EIF5A2: variants seen among roughly 807,000 people sequenced by gnomAD.
The protein encoded by EIF5A2 is eukaryotic translation initiation factor 5A2.
In EIF5A2, 15 loss-of-function variants were observed where a neutral mutation model predicts 16.4. The ratio of observed to expected loss-of-function variants is 0.92; its 90% confidence interval spans 0.61 to 1.41. The LOEUF is 1.41. EIF5A2 is among the 40% of genes most tolerant of loss of function. The pLI is 0.00. For synonymous variants in EIF5A2, 48 were observed against 61.1 expected, an observed-to-expected ratio of 0.79 and a Z score of 1.00; for missense variants, 144 against 189.5, an observed-to-expected ratio of 0.76 and a Z score of 1.41.
chr3:170,893,384 A>G lies in EIF5A2; in HGVS notation c.438T>C (p.Ala146=), dbSNP rs750387736. ...SVMCAMSEEY[A]VAIKPCK Reference sequence around the variant, plus strand: ...TTTATTTGCAGGGTTTTATGGCTACAGCATATTCTTCACTCATTGCACACA... The same window carrying G: ...TTTATTTGCAGGGTTTTATGGCTACGGCATATTCTTCACTCATTGCACACA... The change falls in exon 5 of 5, where the codon GCT becomes GCC. Residue 146 remains alanine (A), a synonymous_variant. Transcript: ENST00000295822. The G allele has an allele frequency of 6.2e-7, 1 of 1,614,016 alleles. No homozygotes were observed. The highest frequency in any genetic ancestry group is 8.5e-7 in the Non-Finnish European group (1 of 1,179,978).
In EIF5A2 at chr3:170,893,217, A is replaced by T. The variant is rs1712578462; in HGVS notation, c.*143T>A. 4 of 695,352 alleles carry T rather than the reference A, an allele frequency of 5.8e-6. No individual in the cohort carries two copies. The Middle Eastern group carries it at 1.2e-3, about 213-fold the overall frequency. The allele number at this position is 695,352 out of a possible 1,614,324, so 43.1% of individuals were successfully genotyped here. A position where few individuals can be genotyped will look rare whatever the true frequency, so the allele number is the denominator to read the frequency against. On this transcript the variant is annotated 3_prime_UTR_variant, in exon 5 of 5. Transcript: ENST00000295822. ...TTTTTAAAAATTATCAATTGCTTGCAAAACTAACCCAGCACAATCTGAAAA... is the reference window on the plus strand; with the variant it reads ...TTTTTAAAAATTATCAATTGCTTGCTAAACTAACCCAGCACAATCTGAAAA...
chr3:170,894,184 T>G, intron 4 of EIF5A2, 108 bp downstream of exon 4: 1 of 1,224,028 alleles, frequency 8.2e-7, no homozygotes, highest in Non-Finnish European at 1.1e-6. Context: ...TTCAACATTT[T>G]AGCAGTATTT....
Position 170,890,877 on chromosome 3 carries a change from T to C in EIF5A2, c.*2483A>G, listed in dbSNP as rs1251424650. 2 of 152,632 alleles carry C rather than the reference T, an allele frequency of 1.3e-5. No homozygotes were observed. The highest frequency in any genetic ancestry group is 2.9e-5 in the Non-Finnish European group (2 of 67,998). 9.5% of individuals were successfully genotyped at this position (152,632 alleles called of 1,614,324 possible). ...CCCCGCTTCCTTTTAATATAATTTATAAAGCTTTACTAAATATTTTGTTCT... is the reference window on the plus strand; with the variant it reads ...CCCCGCTTCCTTTTAATATAATTTACAAAGCTTTACTAAATATTTTGTTCT... On this transcript the variant is annotated 3_prime_UTR_variant, in exon 5 of 5. Transcript: ENST00000295822.
In EIF5A2 at chr3:170,893,876, T is replaced by C. The variant is rs532190864; in HGVS notation, c.402+416A>G. Reference sequence around the variant, plus strand: ...GCTGAAACCCAATCTTTACTAAAAATACAAAAATTAGCCAGATGTGGTGGC... The same window carrying C: ...GCTGAAACCCAATCTTTACTAAAAACACAAAAATTAGCCAGATGTGGTGGC... On this transcript the variant is annotated intron_variant, in intron 4 of 4. Transcript: ENST00000295822. Among the ~76,000 whole-genome samples the C allele has an allele frequency of 2.6e-5, 4 of 152,036 alleles. No individual in the cohort carries two copies. In the East Asian group the frequency reaches 7.7e-4, roughly 29 times the overall value.
chr3:170,899,494 G>A (rs138175440), intron 3 of EIF5A2, among the ~76,000 whole-genome samples: 1 of 152,050 alleles, frequency 6.6e-6, no homozygotes, highest in Non-Finnish European at 1.5e-5. Flanking sequence ...GGGGTTCACT[G>A]TTTTATAGAA....
chr3:170,896,486 G>A (rs142124632), intron 3 of EIF5A2, among the ~76,000 whole-genome samples: 111 of 152,322 alleles, frequency 7.3e-4, no homozygotes, highest in Non-Finnish European at 1.3e-3. Flanking sequence ...TCTCCGCAAT[G>A]CTGTTGTCAT....
At chr3:170,896,467 T>TG (rs1712673722) in intron 3 of EIF5A2, among the ~76,000 whole-genome samples, 1 of 152,172 alleles carries the variant, frequency 6.6e-6, no homozygotes, top group Non-Finnish European at 1.5e-5. Context: ...AATTGGATCA[T>TG]GGGGTCAGTC....
At chr3:170,898,940 T>C (rs1712738656) in intron 3 of EIF5A2, among the ~76,000 whole-genome samples, 1 of 152,062 alleles carries the variant, frequency 6.6e-6, no homozygotes, top group Non-Finnish European at 1.5e-5. Context: ...GCAACAGCCA[T>C]GACTTTTCAG....
rs369607297 is a variant in EIF5A2, at chr3:170,902,549, GC to G, written c.270+4439del. 6.0e-4 allele frequency among the ~76,000 whole-genome samples: 89 copies of G among 149,442 alleles called. 2 individuals are homozygous for G. The East Asian group carries it at 0.011, about 19-fold the overall frequency. ...CTCCCAAGTAGCTGGGGTTACAGGT[GC>G]CTGCCACCACACCCGGCTAATTTTT... is the stretch of plus-strand genomic sequence containing the variant. On this transcript the variant is annotated intron_variant, in intron 3 of 4. Transcript: ENST00000295822.
chr3:170,890,916 TTGACTTA>T lies in EIF5A2; in HGVS notation c.*2437_*2443del, dbSNP rs1712518618. The T allele has an allele frequency of 6.6e-6, 1 of 152,628 alleles. No homozygotes were observed. The highest frequency in any genetic ancestry group is 1.5e-5 in the Non-Finnish European group (1 of 67,994). The allele number at this position is 152,628 out of a possible 1,614,324, so 9.5% of individuals were successfully genotyped here. A position where few individuals can be genotyped will look rare whatever the true frequency, so the allele number is the denominator to read the frequency against. On this transcript the variant is annotated 3_prime_UTR_variant, in exon 5 of 5. Transcript: ENST00000295822. ...ATATTTTGTTCTAGAGAAACATCTA[TTGACTTA>T]TGTGAAAATAAAGTCCCATATCTTT...
chr3:170,900,361 C>A, intron 3 of EIF5A2, among the ~76,000 whole-genome samples: 2 of 115,778 alleles, frequency 1.7e-5, no homozygotes, highest in East Asian at 2.7e-4. Context: ...AGCACGACTC[C>A]ATCTCAAAAA....
chr3:170,908,452 G>A (rs1713001751), intron 1 of EIF5A2, 91 bp downstream of exon 1: 1 of 153,130 alleles, frequency 6.5e-6, no homozygotes, highest in Non-Finnish European at 1.5e-5. Context: ...CTCTCGGTCA[G>A]CGCTCAGTTC....
At chr3:170,895,286 TCAA>T (rs367788235) in intron 3 of EIF5A2, among the ~76,000 whole-genome samples, 2 of 150,982 alleles carry the variant, frequency 1.3e-5, no homozygotes, top group Non-Finnish European at 1.5e-5. Context: ...TGGTCTTCAG[TCAA>T]CAACAACAAC....
intron 3 of EIF5A2, among the ~76,000 whole-genome samples, chr3:170,906,765 T>A (rs1712945421): frequency 6.6e-6 from 1 of 152,164 alleles, no homozygotes; most frequent in East Asian, 1.9e-4. Context: ...TTTGACTTTT[T>A]AAAAAATGCA....
rs1293911815 is a variant in EIF5A2, at chr3:170,888,455, GAAGTT to G, written c.*4900_*4904del. The G allele has an allele frequency of 6.6e-6, 1 of 152,164 alleles. No individual in the cohort carries two copies. Among genetic ancestry groups the G allele is most frequent in the Non-Finnish European group, 1.5e-5 (1 of 68,006 alleles). The allele number at this position is 152,164 out of a possible 1,614,324, so 9.4% of individuals were successfully genotyped here. A position where few individuals can be genotyped will look rare whatever the true frequency, so the allele number is the denominator to read the frequency against. Reference sequence around the variant, plus strand: ...ACTATTTTTATTTAATACAACTGATGAAGTTAACAGACAAATATATTTTAATAATA... The same window carrying G: ...ACTATTTTTATTTAATACAACTGATGAACAGACAAATATATTTTAATAATA... On this transcript the variant is annotated 3_prime_UTR_variant, in exon 5 of 5. Transcript: ENST00000295822.
intron 3 of EIF5A2, 78 bp downstream of exon 3, chr3:170,906,911 T>C: frequency 1.1e-6 from 1 of 904,404 alleles, no homozygotes; most frequent in Non-Finnish European, 1.6e-6. Flanking sequence ...TCTTGGGTTT[T>C]GTCAAATTAT....
At chr3:170,897,242 A>G (rs1294721624) in intron 3 of EIF5A2, among the ~76,000 whole-genome samples, 1 of 152,248 alleles carries the variant, frequency 6.6e-6, no homozygotes, top group Non-Finnish European at 1.5e-5. Flanking sequence ...GTAGTAGAAA[A>G]GAAAAACCCA....
intron 3 of EIF5A2, among the ~76,000 whole-genome samples, chr3:170,897,171 G>A (rs988853946): frequency 5.3e-5 from 8 of 152,180 alleles, no homozygotes; most frequent in Non-Finnish European, 1.0e-4. Context: ...ATCTGAAACT[G>A]GAGCTCATGT....
rs1026692893 is a variant in EIF5A2, at chr3:170,907,018, C to T, written c.241G>A (p.Val81Ile). The change falls in exon 3 of 5, where the codon GTT becomes ATT. Residue 81 changes from valine (V) to isoleucine (I), a missense_variant. Physicochemically the swap from Val to Ile is conservative, Grantham distance 29. Coordinates refer to ENST00000295822, the MANE Select transcript of EIF5A2 (RefSeq NM_020390.6). ...DICPSTHNMD[V>I]PNIKRNDYQL... ...TAATCATTTCTCTTAATATTTGGAA[C>T]ATCCATGTTGTGAGTAGAAGGACAA... The T allele has an allele frequency of 6.2e-7, 1 of 1,608,684 alleles. No homozygotes were observed. The highest frequency in any genetic ancestry group is 1.1e-5 in the South Asian group (1 of 89,764).
Sources: allele counts gnomAD v4.1 joint callset (sites outside exome capture counted in the v4.1 genomes callset), GRCh38; gene constraint gnomAD v4.1.1; transcripts MANE v1.5; gene names NCBI Gene and HGNC (gene_info 2026-07-23, HGNC 2026-07-21).